FBXO25: variants seen among roughly 807,000 people sequenced by gnomAD.
FBXO25 encodes the protein F-box only protein 25.
Under a neutral mutation model 51.9 loss-of-function variants are expected in FBXO25, and 45 were observed. That is an observed-to-expected ratio of 0.87 (90% CI 0.68 to 1.11). The LOEUF is 1.11. FBXO25 is among the 50% of genes most tolerant of loss of function. FBXO25 has a pLI of 0.00. For missense variants in FBXO25, 507 were observed against 428.5 expected, an observed-to-expected ratio of 1.18 and a Z score of -1.62; for synonymous variants, 199 against 151.0, an observed-to-expected ratio of 1.32 and a Z score of -2.33.
At chr8:415,962 T>G (rs11993044) in intron 2 of FBXO25, among the ~76,000 whole-genome samples, 14,628 of 152,286 alleles carry the variant, frequency 0.096, 816 homozygotes, top group African/African-American at 0.15. Flanking sequence ...TATAAGAAGT[T>G]GTTCCTTGTC....
At chr8:451,973 C>G (rs1043380985) in intron 7 of FBXO25, among the ~76,000 whole-genome samples, 1 of 152,128 alleles carries the variant, frequency 6.6e-6, no homozygotes, top group African/African-American at 2.4e-5. Context: ...ATAATGTTAA[C>G]ACCATTGCCC....
intron 5 of FBXO25, among the ~76,000 whole-genome samples, chr8:443,478 C>A (rs1474901528): frequency 6.6e-6 from 1 of 151,800 alleles, no homozygotes; most frequent in East Asian, 1.9e-4. Flanking sequence ...GACGTTCTTT[C>A]TGCCAGTGCT....
intron 4 of FBXO25, among the ~76,000 whole-genome samples, chr8:435,233 T>C (rs1202076089): frequency 4.6e-5 from 7 of 152,156 alleles, no homozygotes; most frequent in African/African-American, 1.7e-4. Context: ...ACAATGCAGT[T>C]AATCAGGTGA....
intron 2 of FBXO25, among the ~76,000 whole-genome samples, chr8:416,948 T>C (rs1471104739): frequency 6.6e-6 from 1 of 152,172 alleles, no homozygotes; most frequent in African/African-American, 2.4e-5. Flanking sequence ...GGAAGATCTA[T>C]AGAGAGTGGC....
intron 5 of FBXO25, among the ~76,000 whole-genome samples, chr8:441,780 AG>A (rs1311693204): frequency 6.6e-6 from 1 of 152,256 alleles, no homozygotes; most frequent in Non-Finnish European, 1.5e-5. Flanking sequence ...TCTGGTCATT[AG>A]AGAAATGCAA....
Position 431,389 on chromosome 8 carries a change from A to G in FBXO25, c.183A>G (p.Glu61=), listed in dbSNP as rs1797812758. ...AAATATTCAATAATGAAGAGCATGA[A>G]TATGCATCGAAAAAAAGGAAAAAGG... ...DGEIFNNEEH[E]YASKKRKKDH... Residue 61 remains glutamate (E), a synonymous_variant, in exon 3 of 10, where the codon GAA becomes GAG. Coordinates refer to ENST00000350302, the MANE Select transcript of FBXO25 (RefSeq NM_183420.2). 6.4e-7 allele frequency: 1 copy of G among 1,556,498 alleles called. No individual in the cohort carries two copies. Among genetic ancestry groups the G allele is most frequent in the East Asian group, 2.3e-5 (1 of 43,308 alleles).
intron 4 of FBXO25, 39 bp from the exon 5 acceptor site, chr8:435,576 G>C (rs891190666): frequency 1.3e-6 from 2 of 1,586,598 alleles, no homozygotes; most frequent in Non-Finnish European, 1.7e-6. Context: ...ATTCTTTTTG[G>C]CTAATTGACT....
At chr8:453,742 G>A (rs771855488) in intron 7 of FBXO25, among the ~76,000 whole-genome samples, 6 of 152,142 alleles carry the variant, frequency 3.9e-5, no homozygotes, top group Admixed American at 6.5e-5. Flanking sequence ...CTGAAGTTCC[G>A]CCATGTCAGC....
intron 7 of FBXO25, among the ~76,000 whole-genome samples, chr8:456,157 A>T (rs960533953): frequency 1.6e-4 from 25 of 152,330 alleles, no homozygotes; most frequent in African/African-American, 6.0e-4. Context: ...TTCTTGTGAG[A>T]GTGTTAGACT....
At chr8:412,645 T>C (rs1351073763) in intron 1 of FBXO25, among the ~76,000 whole-genome samples, 1 of 152,184 alleles carries the variant, frequency 6.6e-6, no homozygotes, top group South Asian at 2.1e-4. Context: ...TCTGGCCCAC[T>C]CTCTCTCATC....
intron 2 of FBXO25, among the ~76,000 whole-genome samples, chr8:423,801 A>C (rs554952865): frequency 1.8e-4 from 28 of 152,336 alleles, no homozygotes; most frequent in African/African-American, 5.8e-4. Context: ...TCTTTTGGAT[A>C]TATACCCAGT....
intron 7 of FBXO25, 69 bp downstream of exon 7, chr8:451,522 A>G (rs1585076615): frequency 7.0e-7 from 1 of 1,423,112 alleles, no homozygotes; most frequent in Admixed American, 2.2e-5. Flanking sequence ...TTTTCTAAGC[A>G]TACATGAAAG....
intron 9 of FBXO25, among the ~76,000 whole-genome samples, chr8:466,277 C>G (rs1052848134): frequency 1.3e-5 from 2 of 152,326 alleles, no homozygotes; most frequent in Admixed American, 1.3e-4. Flanking sequence ...GCCTGGTGGG[C>G]CAAACCCAGA....
At chr8:451,518 A>C in intron 7 of FBXO25, 65 bp downstream of exon 7, 2 of 1,444,336 alleles carry the variant, frequency 1.4e-6, no homozygotes, top group Non-Finnish European at 1.9e-6. Flanking sequence ...TATCTTTTCT[A>C]AGCATACATG....
chr8:476,510 C>A lies in FBXO25; in HGVS notation c.*7706C>A, dbSNP rs1445896880. 6.6e-6 allele frequency: 1 copy of A among 152,068 alleles called. No individual in the cohort carries two copies. Among genetic ancestry groups the A allele is most frequent in the African/African-American group, 2.4e-5 (1 of 41,414 alleles). The allele number at this position is 152,068 out of a possible 1,614,324, so 9.4% of individuals were successfully genotyped here. A position where few individuals can be genotyped will look rare whatever the true frequency, so the allele number is the denominator to read the frequency against. On this transcript the variant is annotated 3_prime_UTR_variant, in exon 10 of 10. Transcript: ENST00000350302. The stretch of plus-strand genomic sequence containing the variant: ...GGCTTTTCTTTCTTGGGAGGCTTTT[C>A]TTTACTACTTCATGCTCTTGACTAG...
rs1386030115 is a variant in FBXO25, at chr8:475,326, A to G, written c.*6522A>G. ...ATGACTGTCTTTGTTTCAATACAACACCATTTTGATTATTGTAGCTTTGTC... is the reference window on the plus strand; with the variant it reads ...ATGACTGTCTTTGTTTCAATACAACGCCATTTTGATTATTGTAGCTTTGTC... On this transcript the variant is annotated 3_prime_UTR_variant, in exon 10 of 10. Transcript: ENST00000350302. 1 of 164,664 alleles carries G rather than the reference A, an allele frequency of 6.1e-6. No individual in the cohort carries two copies. The highest frequency in any genetic ancestry group is 1.3e-5 in the Non-Finnish European group (1 of 76,418). 10.2% of individuals were successfully genotyped at this position (164,664 alleles called of 1,614,324 possible). A position where few individuals can be genotyped will look rare whatever the true frequency, so the allele number is the denominator to read the frequency against.
At chr8:422,558 C>G (rs977730896) in intron 2 of FBXO25, among the ~76,000 whole-genome samples, 8 of 152,158 alleles carry the variant, frequency 5.3e-5, no homozygotes, top group African/African-American at 1.7e-4. Context: ...GCCAGAGTTC[C>G]TCTTCTGGTG....
rs1800321973 is a variant in FBXO25, at chr8:468,284, G to A, written c.988-431G>A. ...TGCAGGGAGCCCAAGCTGATTCAGG[G>A]ATGAATGGCGGGTGGAGGGAACCCT... On this transcript the variant is annotated intron_variant, in intron 9 of 9. Coordinates refer to ENST00000350302, the MANE Select transcript of FBXO25 (RefSeq NM_183420.2). The A allele has an allele frequency of 5.9e-6, 6 of 1,016,908 alleles. No individual in the cohort carries two copies. In the South Asian group the frequency reaches 2.6e-4, roughly 44 times the overall value. 63.0% of individuals were successfully genotyped at this position (1,016,908 alleles called of 1,614,324 possible). A position where few individuals can be genotyped will look rare whatever the true frequency, so the allele number is the denominator to read the frequency against.
intron 2 of FBXO25, among the ~76,000 whole-genome samples, chr8:421,723 C>T (rs1797168861): frequency 6.6e-6 from 1 of 152,132 alleles, no homozygotes; most frequent in Non-Finnish European, 1.5e-5. Context: ...TGACTAGAGC[C>T]AGCCTGAGAT....
Sources: allele counts gnomAD v4.1 joint callset (sites outside exome capture counted in the v4.1 genomes callset), GRCh38; gene constraint gnomAD v4.1.1; transcripts MANE v1.5; gene names NCBI Gene and HGNC (gene_info 2026-07-23, HGNC 2026-07-21).